ELOVL7: variants seen among roughly 807,000 people sequenced by gnomAD.
ELOVL7 encodes ELOVL fatty acid elongase 7, also known as very long chain fatty acid elongase 7.
ELOVL7 carries 27 observed loss-of-function variants against 35.7 expected under a neutral mutation model. The observed-to-expected ratio is 0.76, with a 90% CI of 0.56 to 1.04. The LOEUF (loss-of-function observed/expected upper bound fraction) is 1.04, where lower values mean the gene tolerates loss of function less well. ELOVL7 is among the 50% of genes least tolerant of loss of function. ELOVL7 has a pLI of 0.00. For synonymous variants in ELOVL7, 113 were observed against 114.6 expected, an observed-to-expected ratio of 0.99 and a Z score of 0.09; for missense variants, 327 against 340.8, an observed-to-expected ratio of 0.96 and a Z score of 0.32.
intron 1 of ELOVL7, among the ~76,000 whole-genome samples, chr5:60,808,670 T>A (rs1561458528): frequency 6.6e-6 from 1 of 152,172 alleles, no homozygotes; most frequent in Non-Finnish European, 1.5e-5. Flanking sequence ...AACTTGTACA[T>A]GAATGTTTAT....
At chr5:60,780,173 G>T (rs1363895231) in intron 3 of ELOVL7, among the ~76,000 whole-genome samples, 1 of 144,182 alleles carries the variant, frequency 6.9e-6, no homozygotes, top group African/African-American at 2.6e-5. Context: ...AGGCTGGAGT[G>T]CAACGGTACG....
Position 60,839,029 on chromosome 5 carries a change from A to AAT in ELOVL7, c.-86+5129_-86+5130dup, listed in dbSNP as rs1301025060. 4.1e-4 allele frequency among the ~76,000 whole-genome samples: 34 copies of AAT among 83,264 alleles called. 1 individual carries two copies. Among genetic ancestry groups the AAT allele is most frequent in the East Asian group, 3.2e-3 (6 of 1,868 alleles). The allele number at this position is 83,264 out of a possible 152,430, so 54.6% of individuals were successfully genotyped here. A position where few individuals can be genotyped will look rare whatever the true frequency, so the allele number is the denominator to read the frequency against. ...CAAGAACAAAACAGTGTCAAAAAAA[A>AAT]ATATATATATATATATATTTATGAT... On this transcript the variant is annotated intron_variant, in intron 1 of 8. Transcript: ENST00000508821.
In ELOVL7 at chr5:60,754,195, A is replaced by G. The variant is rs1741395626; in HGVS notation, c.*429T>C. ...TCAATAAATGACAAAGCCAGGGCCT[A>G]CAGGTGGTTTCCAGACTTTCCAGAC... is the stretch of plus-strand genomic sequence containing the variant. On this transcript the variant is annotated 3_prime_UTR_variant, in exon 9 of 9. Coordinates refer to ENST00000508821, the MANE Select transcript of ELOVL7 (RefSeq NM_024930.3). 5.9e-6 allele frequency: 1 copy of G among 169,746 alleles called. No individual in the cohort carries two copies. Among genetic ancestry groups the G allele is most frequent in the African/African-American group, 2.4e-5 (1 of 41,636 alleles). The allele number at this position is 169,746 out of a possible 1,614,324, so 10.5% of individuals were successfully genotyped here. A position where few individuals can be genotyped will look rare whatever the true frequency, so the allele number is the denominator to read the frequency against.
chr5:60,754,640 T>A lies in ELOVL7; in HGVS notation c.830A>T (p.Lys277Ile). The change falls in exon 9 of 9, where the codon AAA (lysine) becomes ATA (isoleucine). Residue 277 changes from lysine to isoleucine, a missense_variant. By Grantham distance (102) the Lys-to-Ile change is moderately radical (BLOSUM62 -3). Coordinates refer to ENST00000508821, the MANE Select transcript of ELOVL7 (RefSeq NM_024930.3). ...TGTTGGGCTTCAATTATCTTTGTTT[T>A]TGCAAGTTCCATTTTTCACAGTTTT... Reference protein sequence around the residue: ...LPKTVKNGTCKNKDN With the variant: ...LPKTVKNGTCINKDN 16 of 1,614,178 alleles carry A rather than the reference T, an allele frequency of 9.9e-6. No homozygotes were observed. Among genetic ancestry groups the A allele is most frequent in the Non-Finnish European group, 1.4e-5 (16 of 1,180,014 alleles).
intron 1 of ELOVL7, among the ~76,000 whole-genome samples, chr5:60,836,276 A>G (rs1053200108): frequency 2.0e-5 from 3 of 152,012 alleles, no homozygotes; most frequent in Non-Finnish European, 2.9e-5. Context: ...TCCATTCCAC[A>G]TTGGCTCAGG....
chr5:60,782,013 G>A (rs903191508), intron 3 of ELOVL7, among the ~76,000 whole-genome samples: 2 of 152,188 alleles, frequency 1.3e-5, no homozygotes, highest in East Asian at 3.9e-4. Flanking sequence ...AAGTCAAATT[G>A]CAAAAAACAA....
At chr5:60,843,612 G>A (rs1390392912) in intron 1 of ELOVL7, 1 of 152,312 alleles carries the variant, frequency 6.6e-6, no homozygotes, top group Non-Finnish European at 1.5e-5. Context: ...GGGAAGGAAG[G>A]AAACAGAAAG....
chr5:60,771,326 A>G (rs1175815919), intron 4 of ELOVL7, among the ~76,000 whole-genome samples: 4 of 152,194 alleles, frequency 2.6e-5, no homozygotes, highest in Non-Finnish European at 5.9e-5. Context: ...CTTATTAACA[A>G]TTAAGGGACA....
intron 1 of ELOVL7, among the ~76,000 whole-genome samples, chr5:60,811,471 G>A (rs1235061130): frequency 2.0e-5 from 3 of 151,994 alleles, no homozygotes; most frequent in Non-Finnish European, 4.4e-5. Flanking sequence ...ACATATTCCT[G>A]AAAGGGGAAA....
At chr5:60,817,931 G>A (rs1042823382) in intron 1 of ELOVL7, among the ~76,000 whole-genome samples, 3 of 151,112 alleles carry the variant, frequency 2.0e-5, no homozygotes, top group Non-Finnish European at 2.9e-5. Flanking sequence ...AGCAAAAGAA[G>A]TGGAAACAAT....
chr5:60,818,884 T>C (rs1441230601), intron 1 of ELOVL7, among the ~76,000 whole-genome samples: 1 of 151,464 alleles, frequency 6.6e-6, no homozygotes, highest in Admixed American at 6.6e-5. Flanking sequence ...GGTGGGCACC[T>C]GTAATCCCAG....
chr5:60,795,991 T>C (rs6876335), intron 2 of ELOVL7, among the ~76,000 whole-genome samples: 88,229 of 151,914 alleles, frequency 0.58, 26,370 homozygotes, highest in East Asian at 0.89. Context: ...CAAAGATCCA[T>C]GCACGGTAAC....
rs1561416708 is a variant in ELOVL7 at position 60,756,448 on chromosome 5, A to G, written c.636+1061T>C. 2.0e-5 allele frequency among the ~76,000 whole-genome samples: 3 copies of G among 152,182 alleles called. No individual in the cohort carries two copies. The South Asian group carries it at 6.2e-4, about 32-fold the overall frequency. On this transcript the variant is annotated intron_variant, in intron 8 of 8. Transcript: ENST00000508821. ...AATGAGCATATACTACTTTGAGAAAATAATATTTTTTAAAGAAGCAATGGT... is the reference window on the plus strand; with the variant it reads ...AATGAGCATATACTACTTTGAGAAAGTAATATTTTTTAAAGAAGCAATGGT...
intron 1 of ELOVL7, among the ~76,000 whole-genome samples, chr5:60,837,181 C>T (rs1034577793): frequency 3.3e-5 from 5 of 150,648 alleles, no homozygotes; most frequent in Non-Finnish European, 5.9e-5. Context: ...CGCCTGTAAT[C>T]CCAGCACTTT....
At chr5:60,801,642 G>A (rs1229968715) in intron 1 of ELOVL7, among the ~76,000 whole-genome samples, 1 of 152,032 alleles carries the variant, frequency 6.6e-6, no homozygotes, top group African/African-American at 2.4e-5. Flanking sequence ...GGTCAAGGCT[G>A]CAGTGAGTCA....
At chr5:60,775,469 A>C (rs943857578) in intron 3 of ELOVL7, among the ~76,000 whole-genome samples, 9 of 152,216 alleles carry the variant, frequency 5.9e-5, no homozygotes, top group African/African-American at 2.2e-4. Flanking sequence ...ACAAAATTAG[A>C]AAAAACTATT....
At chr5:60,836,458 G>T (rs927498834) in intron 1 of ELOVL7, among the ~76,000 whole-genome samples, 3 of 152,038 alleles carry the variant, frequency 2.0e-5, no homozygotes, top group Admixed American at 6.5e-5. Flanking sequence ...ATGATAAGCA[G>T]CAAAGGGATT....
intron 3 of ELOVL7, among the ~76,000 whole-genome samples, chr5:60,776,048 T>C (rs1742882007): frequency 6.6e-6 from 1 of 152,056 alleles, no homozygotes. Flanking sequence ...ACAGACAACC[T>C]ATGGACTGGG....
intron 1 of ELOVL7, among the ~76,000 whole-genome samples, chr5:60,816,917 A>T (rs1268755201): frequency 6.6e-6 from 1 of 152,198 alleles, no homozygotes; most frequent in Non-Finnish European, 1.5e-5. Context: ...TTTGGGGAAA[A>T]CTGAATGAAA....
Sources: gnomAD v4.1 joint callset for allele counts (sites outside exome capture counted in the v4.1 genomes callset) on GRCh38, gnomAD v4.1.1 for gene constraint, MANE v1.5 for transcripts, NCBI Gene and HGNC (gene_info 2026-07-23, HGNC 2026-07-21) for gene names.